Variants in EYS observed in about 807,000 individuals in gnomAD.
The protein encoded by EYS is EGF-like photoreceptor maintenance factor, also known as protein eyes shut homolog.
Under a neutral mutation model 282.1 loss-of-function variants are expected in EYS, and 250 were observed. That is an observed-to-expected ratio of 0.89 (90% CI 0.80 to 0.98). The LOEUF (loss-of-function observed/expected upper bound fraction) is 0.98, where lower values mean the gene tolerates loss of function less well. EYS is among the 50% of genes least tolerant of loss of function. EYS has a pLI of 0.00. For synonymous variants in EYS, 1,355 were observed against 1,282.9 expected (o/e 1.06, Z -1.20); for missense variants, 4,016 against 3,709.0 (o/e 1.08, Z -2.15).
chr6:65,336,168 A>C (rs903420842), intron 10 of EYS, among the ~76,000 whole-genome samples: 1 of 151,718 alleles, frequency 6.6e-6, no homozygotes, highest in Non-Finnish European at 1.5e-5. Flanking sequence ...ACCGAGTCTC[A>C]GGTAGTTCTT....
chr6:65,623,791 T>G (rs1766606414), intron 2 of EYS, among the ~76,000 whole-genome samples: 1 of 152,204 alleles, frequency 6.6e-6, no homozygotes, highest in Non-Finnish European at 1.5e-5. Flanking sequence ...GAGTCACAAA[T>G]GGTGCATAGT....
intron 11 of EYS, chr6:65,329,902 C>G: frequency 1.0e-6 from 1 of 979,422 alleles, no homozygotes; most frequent in East Asian, 1.1e-4. Context: ...TTAGATTCTA[C>G]ACTTTGAAAC....
At chr6:65,679,769 TAAAGG>T (rs1768751795) in intron 1 of EYS, among the ~76,000 whole-genome samples, 1 of 152,068 alleles carries the variant, frequency 6.6e-6, no homozygotes. Flanking sequence ...TACAGTATAG[TAAAGG>T]AAACTGCATC....
chr6:65,480,829 T>C (rs1765580952), intron 5 of EYS, among the ~76,000 whole-genome samples: 3 of 152,142 alleles, frequency 2.0e-5, no homozygotes. Flanking sequence ...ACCTGTAGGA[T>C]ATTATATTAA....
chr6:65,166,371 A>C (rs1049431659), intron 12 of EYS, among the ~76,000 whole-genome samples: 1 of 151,242 alleles, frequency 6.6e-6, no homozygotes, highest in African/African-American at 2.4e-5. Context: ...ATCTTTACTA[A>C]CATAAATGTA....
intron 15 of EYS, among the ~76,000 whole-genome samples, chr6:64,920,586 GT>G (rs1768312998): frequency 6.6e-6 from 1 of 151,998 alleles, no homozygotes; most frequent in Non-Finnish European, 1.5e-5. Context: ...AGAATTCATA[GT>G]TGCATCTTTT....
intron 28 of EYS, among the ~76,000 whole-genome samples, chr6:64,410,479 G>C (rs955252777): frequency 6.6e-6 from 1 of 151,950 alleles, no homozygotes; most frequent in Non-Finnish European, 1.5e-5. Context: ...GTCTCTAAGG[G>C]GAAAAGATGG....
At chr6:64,298,415 C>G (rs759953211) in intron 30 of EYS, among the ~76,000 whole-genome samples, 18 of 151,970 alleles carry the variant, frequency 1.2e-4, no homozygotes, top group Non-Finnish European at 2.4e-4. Flanking sequence ...CATCAACAAT[C>G]AAAAGGAGTG....
chr6:64,229,161 G>A (rs1766340736), intron 31 of EYS, among the ~76,000 whole-genome samples: 1 of 152,098 alleles, frequency 6.6e-6, no homozygotes, highest in Non-Finnish European at 1.5e-5. Context: ...TGTAATCCCA[G>A]CTACTCTGGA....
At chr6:64,306,456 A>G (rs899408736) in intron 30 of EYS, among the ~76,000 whole-genome samples, 1 of 152,134 alleles carries the variant, frequency 6.6e-6, no homozygotes, top group African/African-American at 2.4e-5. Context: ...CCAATGCATG[A>G]ATGACTAATA....
intron 36 of EYS, chr6:63,822,187 C>T (rs987280823): frequency 3.9e-5 from 6 of 152,158 alleles, no homozygotes; most frequent in Admixed American, 6.5e-5. Flanking sequence ...GGTCTTGGCT[C>T]ACTGCAACCT....
chr6:65,598,236 C>T (rs1765480729), intron 2 of EYS, among the ~76,000 whole-genome samples: 2 of 41,276 alleles, frequency 4.8e-5, no homozygotes, highest in South Asian at 1.7e-3. Context: ...TCCTCCCCAC[C>T]CACCCCCCCC....
intron 29 of EYS, among the ~76,000 whole-genome samples, chr6:64,348,929 C>T (rs1473601722): frequency 6.6e-6 from 1 of 151,330 alleles, no homozygotes; most frequent in African/African-American, 2.4e-5. Flanking sequence ...TTGAAGGTTC[C>T]TTACATCCTG....
chr6:64,016,760 G>A (rs1204045509), intron 33 of EYS, among the ~76,000 whole-genome samples: 1 of 152,178 alleles, frequency 6.6e-6, no homozygotes, highest in Non-Finnish European at 1.5e-5. Flanking sequence ...ACAGGTGTGA[G>A]CCACCATGCT....
Position 64,439,324 on chromosome 6 carries a change from A to T in EYS, c.5673T>A (p.Asp1891Glu). Residue 1891 changes from aspartate to glutamate, a missense_variant, in exon 27 of 43, where the codon GAT becomes GAA. Transcript: ENST00000503581. Reference sequence around the variant, plus strand: ...CCACATTCTGAAATTCTAGATAAGAATCTCCATAATAACGAACACAACTGA... The same window carrying T: ...CCACATTCTGAAATTCTAGATAAGATTCTCCATAATAACGAACACAACTGA... ...SDFSCVRYYG[D>E]SYLEFQNVAL... 1 of 1,512,710 alleles carries T rather than the reference A, an allele frequency of 6.6e-7. No individual in the cohort carries two copies. Among genetic ancestry groups the T allele is most frequent in the Non-Finnish European group, 8.8e-7 (1 of 1,133,246 alleles). The allele number at this position is 1,512,710 out of a possible 1,614,324, so 93.7% of individuals were successfully genotyped here.
intron 18 of EYS, among the ~76,000 whole-genome samples, chr6:64,898,216 T>G (rs1003712703): frequency 2.0e-5 from 3 of 152,030 alleles, no homozygotes; most frequent in African/African-American, 7.3e-5. Context: ...AAAGGTTGGG[T>G]TATCTACAAA....
intron 12 of EYS, 141 bp from the exon 13 acceptor site, chr6:65,057,868 A>G (rs1773463803): frequency 1.6e-6 from 1 of 636,036 alleles, no homozygotes. Flanking sequence ...TGCCACATAT[A>G]TTACTATCAG....
chr6:64,981,113 T>C (rs1770649011), intron 14 of EYS, among the ~76,000 whole-genome samples: 1 of 151,354 alleles, frequency 6.6e-6, no homozygotes, highest in African/African-American at 2.4e-5. Flanking sequence ...TTCATTCCTA[T>C]ATCACATAAT....
Position 65,501,071 on chromosome 6 carries a change from A to G in EYS, c.-332-5078T>C, listed in dbSNP as rs557758989. 3.9e-5 allele frequency among the ~76,000 whole-genome samples: 6 copies of G among 152,134 alleles called. No homozygotes were observed. In the South Asian group the frequency reaches 6.2e-4, roughly 16 times the overall value. ...TTTTCCTTTTTAATCCACACACTCTATGAGTAGGCCTCAGAAATTTTAAAT... is the reference window on the plus strand; with the variant it reads ...TTTTCCTTTTTAATCCACACACTCTGTGAGTAGGCCTCAGAAATTTTAAAT... On this transcript the variant is annotated intron_variant, in intron 2 of 42. Transcript: ENST00000503581.
Sources: gnomAD v4.1 joint callset for allele counts (sites outside exome capture counted in the v4.1 genomes callset) on GRCh38, gnomAD v4.1.1 for gene constraint, MANE v1.5 for transcripts, NCBI Gene and HGNC (gene_info 2026-07-23, HGNC 2026-07-21) for gene names.